The following ALX1 variants were observed in gnomAD, a reference collection of about 807,000 sequenced individuals.
ALX1 encodes the protein ALX homeobox protein 1.
Under a neutral mutation model 31.7 loss-of-function variants are expected in ALX1, and 19 were observed. The observed-to-expected ratio is 0.60, with a 90% CI of 0.42 to 0.88. The LOEUF is 0.88. Ranked by LOEUF, ALX1 falls within the 40% of genes least tolerant of loss-of-function variation. The pLI, the probability that ALX1 is intolerant of heterozygous loss-of-function variation, is 0.00. For missense variants in ALX1, 415 were observed against 407.8 expected (o/e 1.02, Z -0.15); for synonymous variants, 153 against 148.8 (o/e 1.03, Z -0.20).
chr12:85,297,564 A>AT (rs994425457), intron 3 of ALX1, among the ~76,000 whole-genome samples: 15 of 151,354 alleles, frequency 9.9e-5, no homozygotes, highest in East Asian at 5.8e-4. Flanking sequence ...AAGAAATGGA[A>AT]TTTTTTTTTA....
chr12:85,295,849 CG>C (rs1185293548), intron 3 of ALX1, among the ~76,000 whole-genome samples: 2 of 151,388 alleles, frequency 1.3e-5, no homozygotes, highest in Non-Finnish European at 1.5e-5. Context: ...AGTAGAAAAA[CG>C]TTACTTAATT....
intron 3 of ALX1, among the ~76,000 whole-genome samples, chr12:85,296,837 A>G (rs1896895579): frequency 6.6e-6 from 1 of 151,686 alleles, no homozygotes; most frequent in Non-Finnish European, 1.5e-5. Flanking sequence ...CCGTAAAATT[A>G]TATGGTGCCA....
At chr12:85,298,794 A>G (rs1490518485) in intron 3 of ALX1, among the ~76,000 whole-genome samples, 2 of 151,848 alleles carry the variant, frequency 1.3e-5, no homozygotes, top group African/African-American at 4.8e-5. Context: ...TATTTCATCA[A>G]AAGTAATGCA....
chr12:85,299,721 G>A (rs1896938230), intron 3 of ALX1, among the ~76,000 whole-genome samples: 1 of 151,764 alleles, frequency 6.6e-6, no homozygotes, highest in East Asian at 1.9e-4. Flanking sequence ...CTTTTTACCA[G>A]TGTGATCTAG....
intron 3 of ALX1, among the ~76,000 whole-genome samples, chr12:85,288,804 C>A (rs1034848125): frequency 4.6e-5 from 7 of 151,372 alleles, no homozygotes; most frequent in Admixed American, 6.6e-5. Context: ...ACTGTCTCTA[C>A]CTGTGAATAT....
chr12:85,283,970 T>G, intron 2 of ALX1, 94 bp downstream of exon 2: 1 of 1,343,816 alleles, frequency 7.4e-7, no homozygotes. Flanking sequence ...AGAAACAAAC[T>G]GATTCCCTAG....
At chr12:85,293,175 A>C (rs1230550524) in intron 3 of ALX1, among the ~76,000 whole-genome samples, 1 of 150,216 alleles carries the variant, frequency 6.7e-6, no homozygotes, top group African/African-American at 2.4e-5. Context: ...CCTTACTAAA[A>C]TATAGTTTTT....
chr12:85,301,365 A>T lies in ALX1; in HGVS notation c.871A>T (p.Asn291Tyr). Residue 291 changes from asparagine to tyrosine, a missense_variant, in exon 4 of 4, where the codon AAT becomes TAT. Asn to Tyr is a moderately radical substitution (Grantham distance 143). Coordinates refer to ENST00000316824, the MANE Select transcript of ALX1 (RefSeq NM_006982.3). ...FTDSLLTGAT[N>Y]GHAFETKPEF... ...TGACTCTCTTCTTACTGGGGCAACCAATGGACATGCATTTGAAACAAAGCC... is the reference window on the plus strand; with the variant it reads ...TGACTCTCTTCTTACTGGGGCAACCTATGGACATGCATTTGAAACAAAGCC... 6.2e-7 allele frequency: 1 copy of T among 1,614,084 alleles called. No homozygotes were observed. The highest frequency in any genetic ancestry group is 8.5e-7 in the Non-Finnish European group (1 of 1,179,968).
intron 2 of ALX1, among the ~76,000 whole-genome samples, chr12:85,286,277 A>C (rs573180946): frequency 6.6e-6 from 1 of 151,862 alleles, no homozygotes; most frequent in East Asian, 1.9e-4. Flanking sequence ...ATTTTTTCCT[A>C]TTTCTAGATA....
intron 3 of ALX1, among the ~76,000 whole-genome samples, chr12:85,287,994 G>C (rs1896771094): frequency 6.6e-6 from 1 of 151,356 alleles, no homozygotes; most frequent in African/African-American, 2.4e-5. Flanking sequence ...GTTCTTTAAT[G>C]TTGTTCTTTC....
intron 1 of ALX1, among the ~76,000 whole-genome samples, chr12:85,283,115 G>A (rs972852524): frequency 5.1e-4 from 78 of 152,288 alleles, no homozygotes; most frequent in African/African-American, 1.9e-3. Flanking sequence ...ATAACTTTCA[G>A]ATATTAGTAC....
intron 3 of ALX1, among the ~76,000 whole-genome samples, chr12:85,296,539 T>C (rs1327735549): frequency 6.6e-6 from 1 of 151,694 alleles, no homozygotes; most frequent in Admixed American, 6.6e-5. Flanking sequence ...AAATCCGCTG[T>C]ACTTCCATTC....
intron 1 of ALX1, among the ~76,000 whole-genome samples, chr12:85,282,765 G>C (rs1896693819): frequency 6.6e-6 from 1 of 152,118 alleles, no homozygotes; most frequent in Non-Finnish European, 1.5e-5. Context: ...GTCATGCTCT[G>C]TAATGTTTTA....
At chr12:85,289,195 G>A (rs11116770) in intron 3 of ALX1, among the ~76,000 whole-genome samples, 25,256 of 150,908 alleles carry the variant, frequency 0.17, 4,568 homozygotes, top group African/African-American at 0.45. Context: ...TCAGAATAGG[G>A]CCTAGCATCA....
chr12:85,299,489 T>C (rs1896934290), intron 3 of ALX1, among the ~76,000 whole-genome samples: 1 of 151,564 alleles, frequency 6.6e-6, no homozygotes, highest in Non-Finnish European at 1.5e-5. Context: ...GATATGGATA[T>C]GTAGATTTCT....
At chr12:85,298,785 AT>A (rs1331159277) in intron 3 of ALX1, among the ~76,000 whole-genome samples, 11 of 151,818 alleles carry the variant, frequency 7.2e-5, no homozygotes, top group Non-Finnish European at 1.6e-4. Flanking sequence ...GTTAGAAATT[AT>A]TTCATCAAAA....
Position 85,282,154 on chromosome 12 carries a change from G to A in ALX1, c.227-1418G>A, listed in dbSNP as rs552712781. On this transcript the variant is annotated intron_variant, in intron 1 of 3. Coordinates refer to ENST00000316824, the MANE Select transcript of ALX1 (RefSeq NM_006982.3). ...CCCTTTAATTTTGCCCAAGGAGATAGAACCGTTTGTTAATCAGTCATGGCT... is the reference window on the plus strand; with the variant it reads ...CCCTTTAATTTTGCCCAAGGAGATAAAACCGTTTGTTAATCAGTCATGGCT... Among the ~76,000 whole-genome samples, 4 of 152,056 alleles carry A rather than the reference G, an allele frequency of 2.6e-5. No homozygotes were observed. In the South Asian group the frequency reaches 8.3e-4, roughly 32 times the overall value.
chr12:85,289,055 AC>A (rs1349977764), intron 3 of ALX1, among the ~76,000 whole-genome samples: 2 of 151,276 alleles, frequency 1.3e-5, no homozygotes, highest in Admixed American at 1.3e-4. Flanking sequence ...GACTATGACT[AC>A]TTTTTTGTGC....
intron 3 of ALX1, among the ~76,000 whole-genome samples, chr12:85,293,649 G>A (rs1216723981): frequency 1.3e-5 from 2 of 150,738 alleles, no homozygotes; most frequent in Non-Finnish European, 3.0e-5. Context: ...ATTTTACAAG[G>A]AAACTAAATC....
Sources: gnomAD v4.1 joint callset for allele counts (sites outside exome capture counted in the v4.1 genomes callset) on GRCh38, gnomAD v4.1.1 for gene constraint, MANE v1.5 for transcripts, NCBI Gene and HGNC (gene_info 2026-07-23, HGNC 2026-07-21) for gene names.